TOPAZ1: variants seen among roughly 807,000 people sequenced by gnomAD.
TOPAZ1 encodes testis and ovary specific TOPAZ 1, also known as protein TOPAZ1.
A neutral mutation model predicts 172.2 loss-of-function variants in TOPAZ1; 66 were observed. The observed-to-expected ratio is 0.38, with a 90% CI of 0.31 to 0.47. TOPAZ1 has a LOEUF of 0.47. Ranked by LOEUF, TOPAZ1 falls within the 20% of genes least tolerant of loss-of-function variation. TOPAZ1 has a pLI of 0.99. For missense variants in TOPAZ1, 1,822 were observed against 1,972.4 expected (o/e 0.92, Z 1.44); for synonymous variants, 681 against 683.9 (o/e 1.00, Z 0.07).
intron 16 of TOPAZ1, among the ~76,000 whole-genome samples, chr3:44,317,899 T>C (rs1190721652): frequency 6.6e-6 from 1 of 152,252 alleles, no homozygotes; most frequent in African/African-American, 2.4e-5. Flanking sequence ...AATTTAAAGC[T>C]ATTAATTTCT....
intron 8 of TOPAZ1, among the ~76,000 whole-genome samples, chr3:44,276,349 G>A (rs1699957277): frequency 6.6e-6 from 1 of 152,038 alleles, no homozygotes; most frequent in Non-Finnish European, 1.5e-5. Flanking sequence ...TTGATTTTGT[G>A]TATGGTGAGA....
rs777397231 is a variant in TOPAZ1, at chr3:44,244,677, C to T, written c.2171C>T (p.Ala724Val). ...GAACTTCTGGACAATTTATCTGGAG[C>T]AGACGTAAGACAGAACAGGAGTAAA... The part of the protein sequence containing the change: ...PLELLDNLSG[A>V]DVRQNRSKEN... The change falls in exon 2 of 20, where the codon GCA (alanine) becomes GTA (valine). Residue 724 changes from alanine (A) to valine (V), a missense_variant. Ala to Val is a moderately conservative substitution (Grantham distance 64). This residue lies in a region of TOPAZ1 where 1,489 missense variants were observed against 1,490.8 expected (regional missense o/e 1.00). Transcript: ENST00000309765. 3.9e-6 allele frequency: 6 copies of T among 1,551,156 alleles called. No homozygotes were observed. The highest frequency in any genetic ancestry group is 5.2e-6 in the Non-Finnish European group (6 of 1,146,952).
intron 16 of TOPAZ1, among the ~76,000 whole-genome samples, chr3:44,314,128 C>CGT (rs1318857405): frequency 6.6e-6 from 1 of 152,060 alleles, no homozygotes; most frequent in Non-Finnish European, 1.5e-5. Flanking sequence ...AGGGTTTCAC[C>CGT]GTGTTAGCTA....
intron 16 of TOPAZ1, among the ~76,000 whole-genome samples, chr3:44,315,909 G>C (rs1392663486): frequency 1.3e-5 from 2 of 151,972 alleles, no homozygotes; most frequent in East Asian, 3.9e-4. Flanking sequence ...TGTTTTGCTT[G>C]AGTTTTTATA....
intron 15 of TOPAZ1, among the ~76,000 whole-genome samples, chr3:44,308,447 G>A (rs1308088626): frequency 6.6e-6 from 1 of 152,132 alleles, no homozygotes; most frequent in Non-Finnish European, 1.5e-5. Context: ...TCCCTACAAA[G>A]GATATGAACT....
intron 2 of TOPAZ1, among the ~76,000 whole-genome samples, chr3:44,252,679 T>A (rs766755322): frequency 3.3e-5 from 5 of 152,238 alleles, no homozygotes; most frequent in Non-Finnish European, 7.3e-5. Flanking sequence ...CAGTTATCCG[T>A]CAGTCACATC....
At chr3:44,309,511 C>T (rs1700374555) in intron 15 of TOPAZ1, among the ~76,000 whole-genome samples, 1 of 152,308 alleles carries the variant, frequency 6.6e-6, no homozygotes, top group Middle Eastern at 3.4e-3. Context: ...TCATGGAAGC[C>T]TTTCATCACA....
chr3:44,317,480 C>T (rs1474158800), intron 16 of TOPAZ1, among the ~76,000 whole-genome samples: 1 of 152,018 alleles, frequency 6.6e-6, no homozygotes, highest in Non-Finnish European at 1.5e-5. Context: ...TTTAGATACT[C>T]CCCCATTTTA....
intron 2 of TOPAZ1, among the ~76,000 whole-genome samples, chr3:44,248,093 A>G (rs1699586636): frequency 6.6e-6 from 1 of 152,180 alleles, no homozygotes; most frequent in Non-Finnish European, 1.5e-5. Flanking sequence ...TGTGTGTAAA[A>G]TTCTTAGTTT....
rs150015290 is a variant in TOPAZ1 at position 44,314,833 on chromosome 3, A to G, written c.4306+4843A>G. ...TCTGGGGTGGGTCCTAAAAATTTGC[A>G]TGTCTGTCAGGTTTTTAGATGTTGT... is the stretch of plus-strand genomic sequence containing the variant. On this transcript the variant is annotated intron_variant, in intron 16 of 19. Coordinates refer to ENST00000309765, the MANE Select transcript of TOPAZ1 (RefSeq NM_001145030.2). 2.6e-5 allele frequency among the ~76,000 whole-genome samples: 4 copies of G among 152,188 alleles called. No individual in the cohort carries two copies. The East Asian group carries it at 5.8e-4, about 22-fold the overall frequency.
intron 9 of TOPAZ1, among the ~76,000 whole-genome samples, chr3:44,282,235 A>G (rs1700031218): frequency 6.6e-6 from 1 of 152,236 alleles, no homozygotes; most frequent in South Asian, 2.1e-4. Context: ...ATTCCCTTAC[A>G]CATTAATGTT....
At chr3:44,307,883 C>A (rs1023788472) in intron 15 of TOPAZ1, among the ~76,000 whole-genome samples, 14 of 152,152 alleles carry the variant, frequency 9.2e-5, no homozygotes, top group Non-Finnish European at 1.9e-4. Context: ...CTTGTGTTTG[C>A]TCTCACAATT....
Position 44,308,458 on chromosome 3 carries a change from C to T in TOPAZ1, c.4141-1367C>T, listed in dbSNP as rs567292094. On this transcript the variant is annotated intron_variant, in intron 15 of 19. Transcript: ENST00000309765. ...TATGTCCCTACAAAGGATATGAACT[C>T]ATCCTTTTTTATGGCTGCATAGTAT... Among the ~76,000 whole-genome samples the T allele has an allele frequency of 2.8e-4, 42 of 152,226 alleles. No individual in the cohort carries two copies. The South Asian group carries it at 8.5e-3, about 31-fold the overall frequency.
rs1699506542 is a variant in TOPAZ1 at position 44,243,082 on chromosome 3, A to G, written c.576A>G (p.Gln192=). The G allele has an allele frequency of 6.5e-7, 1 of 1,547,512 alleles. No homozygotes were observed. ...PLKITENEAT[Q]NIKVEFQDEL... is the part of the protein sequence containing the mutation. ...AAATAACCGAAAATGAGGCTACACA[A>G]AATATTAAGGTTGAATTCCAAGATG... The change falls in exon 2 of 20, where the codon CAA becomes CAG. Residue 192 remains glutamine (Q), a synonymous_variant. Transcript: ENST00000309765.
intron 18 of TOPAZ1, among the ~76,000 whole-genome samples, chr3:44,325,625 A>G (rs932934808): frequency 6.7e-6 from 1 of 150,292 alleles, no homozygotes; most frequent in Non-Finnish European, 1.5e-5. Context: ...CATTTAATAC[A>G]TGTGTTTTAG....
intron 12 of TOPAZ1, 91 bp from the exon 13 acceptor site, chr3:44,303,924 T>C (rs918491183): frequency 1.5e-5 from 10 of 689,154 alleles, no homozygotes; most frequent in Non-Finnish European, 2.3e-5. Context: ...TTTCTTCTGG[T>C]TTCTTATAAA....
chr3:44,327,991 G>A lies in TOPAZ1; in HGVS notation c.4676-259G>A, dbSNP rs576144916. On this transcript the variant is annotated intron_variant, in intron 18 of 19. Transcript: ENST00000309765. ...ACTACTGACCTCAAGAGATCCACCC[G>A]CCTCAGCCTCCCAAAGTGCTGGGAT... Among the ~76,000 whole-genome samples the A allele has an allele frequency of 1.2e-4, 18 of 152,186 alleles. No homozygotes were observed. In the South Asian group the frequency reaches 3.1e-3, roughly 26 times the overall value.
At chr3:44,295,154 T>C (rs1381800272) in intron 12 of TOPAZ1, among the ~76,000 whole-genome samples, 1 of 152,210 alleles carries the variant, frequency 6.6e-6, no homozygotes, top group East Asian at 1.9e-4. Context: ...ATATATTTTT[T>C]AGTTGTTGCT....
In TOPAZ1 at chr3:44,242,969, C is replaced by T. The variant is rs796950764; in HGVS notation, c.463C>T (p.Gln155Ter). ...SESFQTVECL[Q>*]SLGKESIIEG... ...ATCTTTCCAAACAGTGGAATGCTTGCAGTCTTTGGGTAAGGAAAGTATAAT... is the reference window on the plus strand; with the variant it reads ...ATCTTTCCAAACAGTGGAATGCTTGTAGTCTTTGGGTAAGGAAAGTATAAT... Residue 155 changes from glutamine to a stop codon, truncating the protein, a stop_gained, in exon 2 of 20, where the codon CAG becomes TAG. Transcript: ENST00000309765. LOFTEE classifies it high-confidence loss of function. The T allele has an allele frequency of 6.4e-7, 1 of 1,550,726 alleles. No individual in the cohort carries two copies. Among genetic ancestry groups the T allele is most frequent in the South Asian group, 1.2e-5 (1 of 83,622 alleles).
Sources: gnomAD v4.1 joint callset for allele counts (sites outside exome capture counted in the v4.1 genomes callset) on GRCh38, gnomAD v4.1.1 for gene constraint, gnomAD v4.1.1 regional missense constraint, MANE v1.5 for transcripts, NCBI Gene and HGNC (gene_info 2026-07-23, HGNC 2026-07-21) for gene names.